ATP5MG: variants seen among roughly 807,000 people sequenced by gnomAD.
ATP5MG encodes the protein ATP synthase membrane subunit g.
Under a neutral mutation model 12.7 loss-of-function variants are expected in ATP5MG, and 7 were observed. That is an observed-to-expected ratio of 0.55 (90% CI 0.31 to 1.04). ATP5MG has a LOEUF of 1.04. Ranked by LOEUF, ATP5MG falls within the 50% of genes least tolerant of loss-of-function variation. The pLI is 0.05. For missense variants in ATP5MG, 116 were observed against 126.7 expected, an observed-to-expected ratio of 0.92 and a Z score of 0.41; for synonymous variants, 53 against 48.2, an observed-to-expected ratio of 1.10 and a Z score of -0.41.
At chr11:118,402,366 C>G (rs561338941) in intron 1 of ATP5MG, among the ~76,000 whole-genome samples, 1 of 152,206 alleles carries the variant, frequency 6.6e-6, no homozygotes, top group African/African-American at 2.4e-5. Context: ...ATTTTTTCAG[C>G]TTGAAGAGCC....
chr11:118,409,278 C>T lies in ATP5MG; in HGVS notation c.*180C>T, dbSNP rs888977178. The T allele has an allele frequency of 1.4e-5, 5 of 345,738 alleles. No individual in the cohort carries two copies. In the East Asian group the frequency reaches 2.1e-4, roughly 15 times the overall value. 21.4% of individuals were successfully genotyped at this position (345,738 alleles called of 1,614,324 possible). A position where few individuals can be genotyped will look rare whatever the true frequency, so the allele number is the denominator to read the frequency against. ...TTAAGCTGGGTTGTCTTTAAACAAC[C>T]CTAAATACACGTCTGTTTAGCCCGC... On this transcript the variant is annotated 3_prime_UTR_variant, in exon 3 of 3. Coordinates refer to ENST00000300688, the MANE Select transcript of ATP5MG (RefSeq NM_006476.5).
At chr11:118,408,565 A>G (rs1170988528) in intron 2 of ATP5MG, among the ~76,000 whole-genome samples, 2 of 152,220 alleles carry the variant, frequency 1.3e-5, no homozygotes, top group Non-Finnish European at 2.9e-5. Flanking sequence ...AGGGGAAGAC[A>G]GCACTTCATC....
chr11:118,407,305 C>T (rs1451955405), intron 2 of ATP5MG: 1 of 760,070 alleles, frequency 1.3e-6, no homozygotes, highest in Non-Finnish European at 2.0e-6. Context: ...GTCTTAGTTT[C>T]CTAAGAGTCT....
chr11:118,404,002 G>A (rs1948952244), intron 1 of ATP5MG: 1 of 151,930 alleles, frequency 6.6e-6, no homozygotes, highest in African/African-American at 2.4e-5. Context: ...TTTTTGTTAT[G>A]AAATATATAA....
chr11:118,401,899 A>T (rs1239578308), intron 1 of ATP5MG, 182 bp downstream of exon 1: 1 of 657,476 alleles, frequency 1.5e-6, no homozygotes, highest in Non-Finnish European at 2.6e-6. Context: ...CACTCGTCTG[A>T]CCTGCAGATT....
Position 118,409,073 on chromosome 11 carries a change from G to A in ATP5MG, c.287G>A (p.Arg96Gln), listed in dbSNP as rs781997423. Residue 96 changes from arginine to glutamine, a missense_variant, in exon 3 of 3, where the codon CGG becomes CAG. Transcript: ENST00000300688. ...TATGTCGGAGAGATTATAGGCAAGC[G>A]GGGCATCATTGGCTATGATGTTTGA... ...WFYVGEIIGK[R>Q]GIIGYDV is the part of the protein sequence containing the mutation. The A allele has an allele frequency of 5.6e-6, 9 of 1,606,826 alleles. No homozygotes were observed. The highest frequency in any genetic ancestry group is 1.7e-5 in the Admixed American group (1 of 59,190).
intron 1 of ATP5MG, chr11:118,404,085 G>A (rs1948952985): frequency 1.3e-5 from 2 of 152,152 alleles, no homozygotes; most frequent in Non-Finnish European, 2.9e-5. Flanking sequence ...TAGAAAGGAG[G>A]ACTCAACTGG....
intron 1 of ATP5MG, 126 bp downstream of exon 1, chr11:118,401,843 A>G (rs1161647730): frequency 8.8e-7 from 1 of 1,142,174 alleles, no homozygotes; most frequent in South Asian, 1.6e-5. Context: ...GATGGCCTGC[A>G]GGTGGAGGGA....
chr11:118,404,337 C>A (rs1948955003), intron 1 of ATP5MG, among the ~76,000 whole-genome samples: 1 of 152,034 alleles, frequency 6.6e-6, no homozygotes, highest in South Asian at 2.1e-4. Flanking sequence ...TTCCAATAAT[C>A]TTTCAGTTCC....
At position 118,406,967 on chromosome 11, in the gene ATP5MG, C is replaced by T; in HGVS notation, c.83C>T (p.Ala28Val). Residue 28 changes from alanine to valine, a missense_variant, in exon 2 of 3, where the codon GCC becomes GTC. Ala to Val is a moderately conservative substitution (Grantham distance 64). Coordinates refer to ENST00000300688, the MANE Select transcript of ATP5MG (RefSeq NM_006476.5). ...AAVTYSKPRLATFWYYAKVEL... is the reference protein window; with the variant it reads ...AAVTYSKPRLVTFWYYAKVEL... ...GTGACTTACTCGAAGCCTCGATTGG[C>T]CACATTTTGGTACTACGCCAAGGTT... The T allele has an allele frequency of 6.2e-7, 1 of 1,613,060 alleles. No individual in the cohort carries two copies. Among genetic ancestry groups the T allele is most frequent in the Non-Finnish European group, 8.5e-7 (1 of 1,179,526 alleles).
At chr11:118,402,755 G>A (rs1365971128) in intron 1 of ATP5MG, among the ~76,000 whole-genome samples, 3 of 146,794 alleles carry the variant, frequency 2.0e-5, no homozygotes, top group African/African-American at 7.6e-5. Flanking sequence ...AGGCTGGAGT[G>A]CAGTGCAGAT....
chr11:118,405,800 A>C, intron 1 of ATP5MG: 1 of 718,632 alleles, frequency 1.4e-6, no homozygotes, highest in Non-Finnish European at 1.7e-6. Flanking sequence ...AAACACCAAG[A>C]GCCTTGGGTA....
chr11:118,404,196 CTG>C, intron 1 of ATP5MG, among the ~76,000 whole-genome samples: 1 of 152,266 alleles, frequency 6.6e-6, no homozygotes, highest in Admixed American at 6.5e-5. Context: ...CTGACTATAT[CTG>C]TTAATTCCCC....
chr11:118,404,213 G>A (rs1322564579), intron 1 of ATP5MG, among the ~76,000 whole-genome samples: 1 of 151,964 alleles, frequency 6.6e-6, no homozygotes, highest in African/African-American at 2.4e-5. Flanking sequence ...TTCCCCTGGG[G>A]GTCAAAAAAG....
chr11:118,403,970 G>A (rs1948952076), intron 1 of ATP5MG: 1 of 151,554 alleles, frequency 6.6e-6, no homozygotes, highest in East Asian at 1.9e-4. Context: ...GATCTAAAAA[G>A]AAAAGTAACA....
chr11:118,406,220 C>T (rs1948970517), intron 1 of ATP5MG: 1 of 152,270 alleles, frequency 6.6e-6, no homozygotes, highest in Admixed American at 6.5e-5. Context: ...CTACTGCAGT[C>T]TCACAACTAC....
intron 2 of ATP5MG, among the ~76,000 whole-genome samples, chr11:118,408,616 A>C (rs1257764536): frequency 6.6e-6 from 1 of 152,224 alleles, no homozygotes; most frequent in African/African-American, 2.4e-5. Flanking sequence ...ATGTCTATTC[A>C]GAGACTCGGC....
In ATP5MG at chr11:118,401,634, G is replaced by A. The variant is rs782250802; in HGVS notation, c.-32G>A. 4.3e-6 allele frequency: 7 copies of A among 1,613,962 alleles called. No individual in the cohort carries two copies. The highest frequency in any genetic ancestry group is 5.9e-6 in the Non-Finnish European group (7 of 1,179,868). Reference sequence around the variant, plus strand: ...TCCGGCGGGTGACATTCAGCCGGCGGTTCGGGGCGACGGACTCTCCATTCC... The same window carrying A: ...TCCGGCGGGTGACATTCAGCCGGCGATTCGGGGCGACGGACTCTCCATTCC... On this transcript the variant is annotated 5_prime_UTR_variant, in exon 1 of 3. Coordinates refer to ENST00000300688, the MANE Select transcript of ATP5MG (RefSeq NM_006476.5).
At chr11:118,408,451 G>C (rs1836453047) in intron 2 of ATP5MG, among the ~76,000 whole-genome samples, 1 of 152,244 alleles carries the variant, frequency 6.6e-6, no homozygotes, top group Middle Eastern at 3.4e-3. Flanking sequence ...GCTTTCCTGA[G>C]CCATATGTGC....
Sources: allele counts gnomAD v4.1 joint callset (sites outside exome capture counted in the v4.1 genomes callset), GRCh38; gene constraint gnomAD v4.1.1; transcripts MANE v1.5; gene names NCBI Gene and HGNC (gene_info 2026-07-23, HGNC 2026-07-21).